Variants in PRDM16 observed in about 807,000 individuals in gnomAD.
PRDM16 encodes the protein histone-lysine N-methyltransferase PRDM16.
PRDM16 carries 23 observed loss-of-function variants against 110.6 expected under a neutral mutation model. That is an observed-to-expected ratio of 0.21 (90% confidence interval 0.15 to 0.29). The LOEUF (loss-of-function observed/expected upper bound fraction) is 0.29. PRDM16 is among the 10% of genes least tolerant of loss of function. The pLI is 1.00. For missense variants in PRDM16, 1,615 were observed against 1,794.3 expected (o/e 0.90, Z 1.81); for synonymous variants, 799 against 781.8 (o/e 1.02, Z -0.37).
At chr1:3,205,638 TC>T (rs541926532) in intron 2 of PRDM16, among the ~76,000 whole-genome samples, 503 of 152,280 alleles carry the variant, frequency 3.3e-3, no homozygotes, top group South Asian at 0.014. Context: ...ATTTTCCTAA[TC>T]CATTTTTTAA....
chr1:3,100,326 G>A (rs552236498), intron 1 of PRDM16, among the ~76,000 whole-genome samples: 9 of 152,272 alleles, frequency 5.9e-5, no homozygotes, highest in East Asian at 1.9e-4. Context: ...AGTGACTTTC[G>A]GCTGCTTTAG....
In PRDM16 at chr1:3,171,982, C is replaced by G. The variant is rs374892626; in HGVS notation, c.38-14143C>G. ...CTGCGATCCAGTAGAACGGGGTCCC[C>G]GGTGCTGAAGGAGCATCCCTGGGCC... On this transcript the variant is annotated intron_variant, in intron 1 of 16. Coordinates refer to ENST00000270722, the MANE Select transcript of PRDM16 (RefSeq NM_022114.4). Among the ~76,000 whole-genome samples the G allele has an allele frequency of 5.3e-5, 8 of 152,292 alleles. No individual in the cohort carries two copies. The East Asian group carries it at 7.7e-4, about 15-fold the overall frequency.
chr1:3,254,057 T>A (rs558713121), intron 3 of PRDM16, among the ~76,000 whole-genome samples: 1 of 152,100 alleles, frequency 6.6e-6, no homozygotes, highest in African/African-American at 2.4e-5. Flanking sequence ...GATGGGGTTG[T>A]TTTTTTTCTT....
At chr1:3,110,424 CAT>C (rs1642763675) in intron 1 of PRDM16, among the ~76,000 whole-genome samples, 1 of 148,202 alleles carries the variant, frequency 6.7e-6, no homozygotes, top group Non-Finnish European at 1.5e-5. Flanking sequence ...GAGGCTCCCC[CAT>C]GTCCTGGGTG....
chr1:3,079,635 G>A (rs953653211), intron 1 of PRDM16, among the ~76,000 whole-genome samples: 6 of 152,308 alleles, frequency 3.9e-5, no homozygotes, highest in South Asian at 2.1e-4. Context: ...TGGAAAACCC[G>A]ATGCGTTTCT....
chr1:3,186,532 T>C, intron 2 of PRDM16, 58 bp downstream of exon 2: 6 of 1,182,720 alleles, frequency 5.1e-6, no homozygotes, highest in Non-Finnish European at 7.0e-6. Context: ...GTTCAATCTA[T>C]TTATAAAGCC....
chr1:3,184,680 C>T (rs893288591), intron 1 of PRDM16, among the ~76,000 whole-genome samples: 3 of 152,200 alleles, frequency 2.0e-5, no homozygotes, highest in Non-Finnish European at 2.9e-5. Context: ...CCAAACACCT[C>T]ATCACCCCGA....
intron 1 of PRDM16, among the ~76,000 whole-genome samples, chr1:3,125,733 C>T (rs994311371): frequency 3.9e-5 from 6 of 152,232 alleles, no homozygotes; most frequent in African/African-American, 1.4e-4. Flanking sequence ...CCATTTGTAA[C>T]GAGTTTGGTC....
chr1:3,391,887 G>C (rs796968860), intron 4 of PRDM16, among the ~76,000 whole-genome samples: 1 of 152,360 alleles, frequency 6.6e-6, no homozygotes, highest in African/African-American at 2.4e-5. Context: ...AAACCCCAGC[G>C]CTGCAAATCG....
intron 1 of PRDM16, among the ~76,000 whole-genome samples, chr1:3,180,011 T>C (rs1644131857): frequency 6.6e-6 from 1 of 152,144 alleles, no homozygotes; most frequent in African/African-American, 2.4e-5. Context: ...TCGTTATCCC[T>C]GGACTTTCCT....
intron 3 of PRDM16, among the ~76,000 whole-genome samples, chr1:3,270,994 G>T (rs1470665261): frequency 6.6e-6 from 1 of 152,148 alleles, no homozygotes; most frequent in Non-Finnish European, 1.5e-5. Flanking sequence ...GGCCCTGTTC[G>T]CTGAGTCTGC....
chr1:3,195,742 G>A (rs561637477), intron 2 of PRDM16, among the ~76,000 whole-genome samples: 39 of 152,302 alleles, frequency 2.6e-4, no homozygotes, highest in African/African-American at 8.9e-4. Flanking sequence ...GCGTGGGGGC[G>A]TGGCCCAGCC....
chr1:3,167,309 T>G (rs957158923), intron 1 of PRDM16, among the ~76,000 whole-genome samples: 1 of 152,114 alleles, frequency 6.6e-6, no homozygotes, highest in Non-Finnish European at 1.5e-5. Context: ...TAAAAGCCAT[T>G]CCGGAAATCC....
chr1:3,194,731 C>A (rs1184244015), intron 2 of PRDM16, among the ~76,000 whole-genome samples: 1 of 151,822 alleles, frequency 6.6e-6, no homozygotes, highest in Non-Finnish European at 1.5e-5. Flanking sequence ...CCCCGCCACA[C>A]GCCACCGTCT....
In PRDM16 at chr1:3,433,683, G is replaced by A. The variant is rs2100708180; in HGVS notation, c.3703G>A (p.Ala1235Thr). The A allele has an allele frequency of 1.9e-6, 3 of 1,613,682 alleles. No homozygotes were observed. In the East Asian group the frequency reaches 6.7e-5, roughly 36 times the overall value. Reference protein sequence around the residue: ...LCRQAKNQAYAMMLSLSEDTP... With the variant: ...LCRQAKNQAYTMMLSLSEDTP... ...GTCATCCCCTCCCCGCCAGGCATATGCAATGATGCTGTCCCTTTCCGAAGA... is the reference window on the plus strand; with the variant it reads ...GTCATCCCCTCCCCGCCAGGCATATACAATGATGCTGTCCCTTTCCGAAGA... Residue 1235 changes from alanine (A) to threonine (T), a missense_variant, in exon 17 of 17, where the codon GCA (alanine) becomes ACA (threonine). Physicochemically the swap from Ala to Thr is moderately conservative, Grantham distance 58 (BLOSUM62 0). Transcript: ENST00000270722.
At chr1:3,091,617 C>T (rs1037238944) in intron 1 of PRDM16, among the ~76,000 whole-genome samples, 3 of 152,212 alleles carry the variant, frequency 2.0e-5, no homozygotes, top group African/African-American at 4.8e-5. Context: ...CACCTCTGCC[C>T]AGGCACCTCT....
intron 3 of PRDM16, among the ~76,000 whole-genome samples, chr1:3,375,191 T>C (rs1642970837): frequency 6.6e-6 from 1 of 152,022 alleles, no homozygotes; most frequent in African/African-American, 2.4e-5. Flanking sequence ...CCTGTGTGAC[T>C]CAGAGGTCAG....
chr1:3,080,616 G>A lies in PRDM16; in HGVS notation c.37+11320G>A, dbSNP rs1642000159. On this transcript the variant is annotated intron_variant, in intron 1 of 16. Transcript: ENST00000270722. This position sits in a 1 kb window ranked among gnomAD's most constrained non-coding sequence, Gnocchi z 5.2. ...CAAATTTTGTTTCATCAACTCGGCTGACAATCCATTTTGCAAAAACGGGAG... is the reference window on the plus strand; with the variant it reads ...CAAATTTTGTTTCATCAACTCGGCTAACAATCCATTTTGCAAAAACGGGAG... 6.6e-6 allele frequency among the ~76,000 whole-genome samples: 1 copy of A among 152,060 alleles called. No homozygotes were observed. The highest frequency in any genetic ancestry group is 2.4e-5 in the African/African-American group (1 of 41,386).
intron 3 of PRDM16, among the ~76,000 whole-genome samples, chr1:3,366,003 C>T (rs534750024): frequency 1.2e-4 from 18 of 152,202 alleles, no homozygotes; most frequent in African/African-American, 3.1e-4. Context: ...CACACATACG[C>T]GCACGCACAC....
Sources: gnomAD v4.1 joint callset for allele counts (sites outside exome capture counted in the v4.1 genomes callset) on GRCh38, gnomAD v4.1.1 for gene constraint, Gnocchi (gnomAD v3.1) non-coding constraint, MANE v1.5 for transcripts, NCBI Gene and HGNC (gene_info 2026-07-23, HGNC 2026-07-21) for gene names.